Variants in CLDN10 observed in about 807,000 individuals in gnomAD.
The protein encoded by CLDN10 is claudin-10.
A neutral mutation model predicts 22.9 loss-of-function variants in CLDN10; 15 were observed. The observed-to-expected ratio is 0.65, with a 90% CI of 0.44 to 1.01. The LOEUF is 1.01. Ranked by LOEUF, CLDN10 falls within the 50% of genes least tolerant of loss-of-function variation. CLDN10 has a pLI of 0.00. For synonymous variants in CLDN10, 114 were observed against 111.4 expected (o/e 1.02, Z -0.15); for missense variants, 247 against 287.8 (o/e 0.86, Z 1.03).
rs1264459454 is a variant in CLDN10 at position 95,577,961 on chromosome 13, G to A, written c.634G>A (p.Asp212Asn). ...SSRTKYHGGE[D>N]FKTTNPSKQF... ...TCGGACAAAGTATCATGGTGGAGAA[G>A]ATTTTAAAACAACAAACCCTTCAAA... The change falls in exon 5 of 5, where the codon GAT becomes AAT. Residue 212 changes from aspartate (D) to asparagine (N), a missense_variant. Coordinates refer to ENST00000299339, the MANE Select transcript of CLDN10 (RefSeq NM_006984.5). The A allele has an allele frequency of 8.7e-6, 14 of 1,613,764 alleles. No homozygotes were observed. Among genetic ancestry groups the A allele is most frequent in the Non-Finnish European group, 1.0e-5 (12 of 1,179,876 alleles).
intron 1 of CLDN10, among the ~76,000 whole-genome samples, chr13:95,539,461 C>T (rs1013681064): frequency 6.6e-6 from 1 of 152,018 alleles, no homozygotes; most frequent in East Asian, 1.9e-4. Context: ...AAGAGGTTTG[C>T]TATATTCATT....
At chr13:95,543,319 C>A (rs2043478248) in intron 1 of CLDN10, among the ~76,000 whole-genome samples, 1 of 152,156 alleles carries the variant, frequency 6.6e-6, no homozygotes, top group African/African-American at 2.4e-5. Context: ...TGCTAAGTAA[C>A]AAAGAATGGT....
intron 1 of CLDN10, among the ~76,000 whole-genome samples, chr13:95,507,894 A>G (rs750962413): frequency 2.6e-4 from 39 of 151,998 alleles, no homozygotes; most frequent in Non-Finnish European, 5.3e-4. Flanking sequence ...AAGTGCTGGG[A>G]TTACAGGTGT....
chr13:95,570,858 G>GTGTATATATATATATATATATATATA (rs60359070), intron 3 of CLDN10, among the ~76,000 whole-genome samples: 22 of 119,700 alleles, frequency 1.8e-4, no homozygotes, highest in Admixed American at 4.1e-4. Flanking sequence ...ATATACGTGT[G>GTGTATATATATATATATATATATATA]TATATATATA....
chr13:95,511,064 A>G (rs1252238309), intron 1 of CLDN10, among the ~76,000 whole-genome samples: 1 of 152,234 alleles, frequency 6.6e-6, no homozygotes. Flanking sequence ...AGAATTTTCT[A>G]GAAAATAAAA....
chr13:95,512,930 C>T (rs1199584444), intron 1 of CLDN10, among the ~76,000 whole-genome samples: 1 of 152,094 alleles, frequency 6.6e-6, no homozygotes, highest in Non-Finnish European at 1.5e-5. Context: ...GGCTGGAGTC[C>T]AGTGGCACAA....
intron 1 of CLDN10, among the ~76,000 whole-genome samples, chr13:95,460,689 C>T (rs1157796594): frequency 6.6e-6 from 1 of 152,180 alleles, no homozygotes; most frequent in African/African-American, 2.4e-5. Context: ...TGGGTGAGGA[C>T]ACAGCCAAAC....
In CLDN10 at chr13:95,560,416, A is replaced by G. The variant is rs2043692843; in HGVS notation, c.417A>G (p.Ala139=). ...LCSMTGCSLY[A]NKITTEFFDP... ...CAATGACTGGATGTTCCCTATATGC[A>G]AACAAAATCACAACGGAATTCTTTG... Residue 139 remains alanine, a synonymous_variant, in exon 3 of 5, where the codon GCA becomes GCG. Coordinates refer to ENST00000299339, the MANE Select transcript of CLDN10 (RefSeq NM_006984.5). 1 of 1,613,994 alleles carries G rather than the reference A, an allele frequency of 6.2e-7. No individual in the cohort carries two copies.
intron 1 of CLDN10, among the ~76,000 whole-genome samples, chr13:95,487,359 A>T (rs2042814955): frequency 6.6e-6 from 1 of 152,220 alleles, no homozygotes; most frequent in Non-Finnish European, 1.5e-5. Context: ...AATAATGCTG[A>T]AGACTGGCTA....
rs1281544398 is a variant in CLDN10, at chr13:95,552,966, G to C, written c.213G>C (p.Ala71=). The part of the protein sequence containing the change: ...SNCKDFPSML[A]LDGYIQACRG... ...GCAAGGACTTCCCCTCCATGCTGGC[G>C]CTGGACGGTCTGCATCCCCGCGGCC... Residue 71 remains alanine (A), a synonymous_variant, in exon 1 of 5, where the codon GCG becomes GCC. Coordinates refer to ENST00000299339, the MANE Select transcript of CLDN10 (RefSeq NM_006984.5). 4 of 1,613,706 alleles carry C rather than the reference G, an allele frequency of 2.5e-6. No individual in the cohort carries two copies. Among genetic ancestry groups the C allele is most frequent in the Non-Finnish European group, 2.5e-6 (3 of 1,179,942 alleles).
chr13:95,578,102 C>T lies in CLDN10; in HGVS notation c.*88C>T, dbSNP rs1049636945. ...CCCATCAAGGCCCTCCCATAATTAA[C>T]ACTCAAAACTATTTTTAAAATATGC... On this transcript the variant is annotated 3_prime_UTR_variant, in exon 5 of 5. Transcript: ENST00000299339. The T allele has an allele frequency of 8.1e-5, 54 of 663,612 alleles. 1 individual carries two copies. The South Asian group carries it at 1.1e-3, about 13-fold the overall frequency. 41.1% of individuals were successfully genotyped at this position (663,612 alleles called of 1,614,324 possible).
In CLDN10 at chr13:95,483,626, G is replaced by A. The variant is rs2042773005; in HGVS notation, c.214+49579G>A. On this transcript the variant is annotated intron_variant, in intron 1 of 4. Transcript: ENST00000376873. Reference sequence around the variant, plus strand: ...TGTGGAAGGTAGGGGACAGAAGCAGGAGTGGGCAGAGCAGTGACGTTGAGC... The same window carrying A: ...TGTGGAAGGTAGGGGACAGAAGCAGAAGTGGGCAGAGCAGTGACGTTGAGC... Among the ~76,000 whole-genome samples, 5 of 152,334 alleles carry A rather than the reference G, an allele frequency of 3.3e-5. No homozygotes were observed. The South Asian group carries it at 1.0e-3, about 32-fold the overall frequency.
chr13:95,496,435 G>A (rs2042930722), intron 1 of CLDN10, among the ~76,000 whole-genome samples: 1 of 152,142 alleles, frequency 6.6e-6, no homozygotes, highest in South Asian at 2.1e-4. Context: ...TACTGTATGG[G>A]GCATTTTCAA....
intron 1 of CLDN10, among the ~76,000 whole-genome samples, chr13:95,471,453 A>ATATATATATATAT (rs776857009): frequency 0.017 from 1,772 of 106,296 alleles, 35 homozygotes; most frequent in Non-Finnish European, 0.025. Flanking sequence ...ATATATATAT[A>ATATATATATATAT]TTTTTTTTTT....
chr13:95,479,701 A>G (rs1026209558), intron 1 of CLDN10: 1 of 152,234 alleles, frequency 6.6e-6, no homozygotes, highest in African/African-American at 2.4e-5. Context: ...GAGGATTCTC[A>G]TCTTACAGAT....
intron 1 of CLDN10, among the ~76,000 whole-genome samples, chr13:95,479,081 T>G (rs1365153932): frequency 6.6e-6 from 1 of 152,246 alleles, no homozygotes; most frequent in East Asian, 1.9e-4. Context: ...CCGGGTGCAG[T>G]GGCTCATGCC....
At chr13:95,456,855 C>T (rs1594531241) in intron 1 of CLDN10, among the ~76,000 whole-genome samples, 1 of 152,132 alleles carries the variant, frequency 6.6e-6, no homozygotes, top group East Asian at 1.9e-4. Context: ...AGACAGATCA[C>T]AAAAAAGCAA....
intron 3 of CLDN10, among the ~76,000 whole-genome samples, chr13:95,569,606 TATAAA>T (rs1215009278): frequency 4.6e-5 from 7 of 151,986 alleles, no homozygotes; most frequent in East Asian, 3.9e-4. Flanking sequence ...AATAAATAGA[TATAAA>T]ATAAAATAAA....
At chr13:95,524,861 T>G (rs1321471442) in intron 1 of CLDN10, among the ~76,000 whole-genome samples, 5 of 98,432 alleles carry the variant, frequency 5.1e-5, no homozygotes, top group Non-Finnish European at 1.0e-4. Context: ...ATTTATTTAT[T>G]TTTATTTTTT....
Sources: gnomAD v4.1 joint callset for allele counts (sites outside exome capture counted in the v4.1 genomes callset) on GRCh38, gnomAD v4.1.1 for gene constraint, MANE v1.5 for transcripts, NCBI Gene and HGNC (gene_info 2026-07-23, HGNC 2026-07-21) for gene names.